Variants in WDR47 observed in about 807,000 individuals in gnomAD.
The protein encoded by WDR47 is WD repeat domain 47.
Under a neutral mutation model 97.2 loss-of-function variants are expected in WDR47, and 32 were observed. The ratio of observed to expected loss-of-function variants is 0.33; its 90% CI spans 0.25 to 0.44. The LOEUF is 0.44. WDR47 is among the 20% of genes least tolerant of loss of function. The probability of loss-of-function intolerance (pLI) is 1.00; values close to 1 mark genes in which losing one functional copy is unlikely to be tolerated. For synonymous variants in WDR47, 375 were observed against 373.5 expected (o/e 1.00, Z -0.05); for missense variants, 782 against 1,102.3 (o/e 0.71, Z 4.11).
In WDR47 at chr1:108,971,377, C is replaced by G. The variant is rs897760232; in HGVS notation, c.*53G>C. ...CTTCAGATTTGTAATTTTCACAACT[C>G]AGTAGTCTTAAGTCTCTGTGCTTTT... On this transcript the variant is annotated 3_prime_UTR_variant, in exon 15 of 15. Transcript: ENST00000369962. The G allele has an allele frequency of 6.2e-7, 1 of 1,606,304 alleles. No homozygotes were observed. The highest frequency in any genetic ancestry group is 8.5e-7 in the Non-Finnish European group (1 of 1,175,130).
In WDR47 at chr1:108,982,690, TTA is replaced by T; in HGVS notation, c.2183_2184del (p.Ile728LysfsTer8). 1.2e-6 allele frequency: 2 copies of T among 1,614,192 alleles called. No individual in the cohort carries two copies. Among genetic ancestry groups the T allele is most frequent in the Non-Finnish European group, 1.7e-6 (2 of 1,180,032 alleles). On this transcript the variant is annotated frameshift_variant, in exon 12 of 15. Coordinates refer to ENST00000369962, the MANE Select transcript of WDR47 (RefSeq NM_001142551.2). LOFTEE classifies it high-confidence loss of function. ...EGPESGGAIL[I>X]SAGAGDCNIY... Reference sequence around the variant, plus strand: ...ATGTTACAATCCCCTGCTCCAGCACTTATTAAAATAGCTCCTCCGCTTTCTGG... The same window carrying T: ...ATGTTACAATCCCCTGCTCCAGCACTTTAAAATAGCTCCTCCGCTTTCTGG...
At position 109,010,034 on chromosome 1, in the gene WDR47, G is replaced by GA. The variant is rs541682460; in HGVS notation, c.1130+881dup. On this transcript the variant is annotated intron_variant, in intron 5 of 14. Transcript: ENST00000369962. ...AAAAAAACAAAAAAACATACTCATA[G>GA]AAAAAAAGACTGGTCCATCTAAGTA... Among the ~76,000 whole-genome samples the GA allele has an allele frequency of 1.5e-3, 229 of 151,606 alleles. 1 individual carries two copies. The highest frequency in any genetic ancestry group is 5.1e-3 in the African/African-American group (210 of 41,366).
chr1:109,007,945 T>C (rs1360422140), intron 5 of WDR47, among the ~76,000 whole-genome samples: 1 of 151,724 alleles, frequency 6.6e-6, no homozygotes, highest in Non-Finnish European at 1.5e-5. Context: ...CTACTAAAAA[T>C]ACAAAAATTA....
intron 14 of WDR47, among the ~76,000 whole-genome samples, chr1:108,972,680 G>A (rs909792652): frequency 5.9e-5 from 9 of 152,260 alleles, no homozygotes; most frequent in African/African-American, 9.6e-5. Context: ...GGTGGCTCAC[G>A]CCTGTAATCC....
At chr1:108,990,957 A>C (rs1659291533) in intron 9 of WDR47, among the ~76,000 whole-genome samples, 1 of 151,808 alleles carries the variant, frequency 6.6e-6, no homozygotes, top group South Asian at 2.1e-4. Flanking sequence ...GAGCCTCGAG[A>C]TAAATACCAA....
At chr1:109,023,566 A>T in intron 1 of WDR47, 45 bp from the exon 2 acceptor site, 1 of 1,565,528 alleles carries the variant, frequency 6.4e-7, no homozygotes, top group Non-Finnish European at 8.7e-7. Flanking sequence ...CTATTGATTT[A>T]TTTCTAAGTT....
chr1:109,011,990 C>A lies in WDR47; in HGVS notation c.328-272G>T, dbSNP rs1661062981. Among the ~76,000 whole-genome samples, 3 of 152,256 alleles carry A rather than the reference C, an allele frequency of 2.0e-5. No individual in the cohort carries two copies. The South Asian group carries it at 6.2e-4, about 32-fold the overall frequency. ...ACAGGATCTCACTCTGCTGCCCACG[C>A]TGGAGTGCAGGGGTTATTCATACAC... On this transcript the variant is annotated intron_variant, in intron 4 of 14. Transcript: ENST00000369962.
chr1:109,031,665 AACT>A (rs1662611646), intron 1 of WDR47, among the ~76,000 whole-genome samples: 1 of 139,626 alleles, frequency 7.2e-6, no homozygotes, highest in African/African-American at 2.6e-5. Context: ...TACATTTGCA[AACT>A]ACTAGAAGGA....
intron 3 of WDR47, among the ~76,000 whole-genome samples, chr1:109,016,025 C>T (rs1406454117): frequency 2.0e-5 from 3 of 147,982 alleles, no homozygotes; most frequent in Non-Finnish European, 4.5e-5. Context: ...GGGTTATATT[C>T]AACAGCATAA....
At chr1:108,977,789 T>C (rs1458541828) in intron 13 of WDR47, among the ~76,000 whole-genome samples, 1 of 151,920 alleles carries the variant, frequency 6.6e-6, no homozygotes, top group Admixed American at 6.6e-5. Context: ...GATTACACCA[T>C]GGCACTCCAG....
Position 109,017,526 on chromosome 1 carries a change from G to A in WDR47, c.234C>T (p.Asp78=). 1 of 1,609,198 alleles carries A rather than the reference G, an allele frequency of 6.2e-7. No homozygotes were observed. The highest frequency in any genetic ancestry group is 8.5e-7 in the Non-Finnish European group (1 of 1,178,548). ...TTTAGATAAAATCTTACCTTTTTTT[G>A]TCAAATTTTTCCATACATTCTAGAG... ...IQPLECMEKF[D]KKRFRYIILK... Residue 78 remains aspartate (D), a synonymous_variant, in exon 3 of 15, where the codon GAC becomes GAT. Coordinates refer to ENST00000369962, the MANE Select transcript of WDR47 (RefSeq NM_001142551.2).
chr1:108,992,295 C>G, intron 8 of WDR47: 1 of 829,404 alleles, frequency 1.2e-6, no homozygotes, highest in South Asian at 1.3e-5. Flanking sequence ...GTTCGCTATT[C>G]ACTTGACCCG....
chr1:108,983,044 A>G (rs1243996437), intron 11 of WDR47, among the ~76,000 whole-genome samples: 1 of 152,234 alleles, frequency 6.6e-6, no homozygotes, highest in Non-Finnish European at 1.5e-5. Flanking sequence ...GTAGCTATTT[A>G]AAGGCTATTT....
At chr1:109,002,435 G>T in intron 6 of WDR47, 33 bp from the exon 7 acceptor site, 1 of 1,483,042 alleles carries the variant, frequency 6.7e-7, no homozygotes, top group South Asian at 1.3e-5. Context: ...ATATATATTT[G>T]AGCAAACTAT....
At chr1:108,986,111 T>A (rs1281240556) in intron 10 of WDR47, among the ~76,000 whole-genome samples, 1 of 152,070 alleles carries the variant, frequency 6.6e-6, no homozygotes, top group African/African-American at 2.4e-5. Context: ...TATAAATAGG[T>A]GTGTATGAAT....
At chr1:109,038,796 G>A (rs1003140586) in intron 1 of WDR47, among the ~76,000 whole-genome samples, 2 of 152,100 alleles carry the variant, frequency 1.3e-5, no homozygotes, top group African/African-American at 4.8e-5. Context: ...GGCCAACATG[G>A]TGAAACCCTG....
At chr1:109,019,518 C>T (rs1661667543) in intron 2 of WDR47, among the ~76,000 whole-genome samples, 1 of 151,548 alleles carries the variant, frequency 6.6e-6, no homozygotes, top group African/African-American at 2.4e-5. Context: ...TTGGCAACAT[C>T]TAAAGACATT....
intron 1 of WDR47, among the ~76,000 whole-genome samples, chr1:109,040,750 T>C (rs1663295709): frequency 6.6e-6 from 1 of 152,186 alleles, no homozygotes; most frequent in Admixed American, 6.6e-5. Flanking sequence ...GAAAATGGGC[T>C]CTTAGGCGTT....
chr1:108,987,018 C>T (rs1163026819), intron 9 of WDR47: 1 of 205,838 alleles, frequency 4.9e-6, no homozygotes, highest in Non-Finnish European at 1.1e-5. Flanking sequence ...ACAGCTACCA[C>T]AAATGCAGCA....
Sources: gnomAD v4.1 joint callset for allele counts (sites outside exome capture counted in the v4.1 genomes callset) on GRCh38, gnomAD v4.1.1 for gene constraint, MANE v1.5 for transcripts, NCBI Gene and HGNC (gene_info 2026-07-23, HGNC 2026-07-21) for gene names.